Variants in CDON observed in about 807,000 individuals in gnomAD.
The protein encoded by CDON is cell adhesion associated, oncogene regulated.
In CDON, 73 loss-of-function variants were observed where a neutral mutation model predicts 120.9. The ratio of observed to expected loss-of-function variants is 0.60; its 90% CI spans 0.50 to 0.73. The LOEUF (loss-of-function observed/expected upper bound fraction) is 0.73. CDON is among the 30% of genes least tolerant of loss of function. The pLI is 0.00. For missense variants in CDON, 1,470 were observed against 1,587.3 expected (o/e 0.93, Z 1.26); for synonymous variants, 566 against 573.5 (o/e 0.99, Z 0.19).
intron 1 of CDON, among the ~76,000 whole-genome samples, chr11:126,057,334 A>G (rs1948704848): frequency 6.6e-6 from 1 of 152,226 alleles, no homozygotes; most frequent in Admixed American, 6.5e-5. Flanking sequence ...TTTACAAAGC[A>G]TGAATTAGTA....
intron 5 of CDON, 58 bp downstream of exon 5, chr11:126,018,272 C>T: frequency 1.3e-6 from 2 of 1,557,744 alleles, no homozygotes; most frequent in South Asian, 1.1e-5. Flanking sequence ...CTATCATTGC[C>T]CAACTTTTTA....
rs148664368 is a variant in CDON, at chr11:125,983,892, C to A, written c.2975G>T (p.Arg992Leu). Reference sequence around the variant, plus strand: ...CTTACTTTGTATGGTATTCTGCTGGCGATTCTTCCACAGGCACATTGCAAT... The same window carrying A: ...CTTACTTTGTATGGTATTCTGCTGGAGATTCTTCCACAGGCACATTGCAAT... ...VFIAMCLWKN[R>L]QQNTIQKYDP... is the part of the protein sequence containing the mutation. The change falls in exon 16 of 20, where the codon CGC (arginine) becomes CTC (leucine). Residue 992 changes from arginine (R) to leucine (L), a missense_variant. By Grantham distance (102) the Arg-to-Leu change is moderately radical (BLOSUM62 -2). Transcript: ENST00000531738. The A allele has an allele frequency of 2.4e-5, 38 of 1,613,568 alleles. No homozygotes were observed. Among genetic ancestry groups the A allele is most frequent in the Non-Finnish European group, 3.2e-5 (38 of 1,179,612 alleles).
At chr11:125,967,946 T>TC (rs1434809348) in intron 18 of CDON, among the ~76,000 whole-genome samples, 13 of 152,220 alleles carry the variant, frequency 8.5e-5, no homozygotes, top group African/African-American at 3.1e-4. Flanking sequence ...GGTCTTGAAC[T>TC]CCTAGGCTCA....
intron 18 of CDON, among the ~76,000 whole-genome samples, chr11:125,977,770 T>C (rs569836480): frequency 2.0e-5 from 3 of 152,224 alleles, no homozygotes; most frequent in African/African-American, 7.2e-5. Context: ...ATACCACTTT[T>C]AAAATTAAAA....
At chr11:126,046,599 GGGCGACGGT>G (rs1183420269) in intron 1 of CDON, among the ~76,000 whole-genome samples, 1 of 152,168 alleles carries the variant, frequency 6.6e-6, no homozygotes, top group Non-Finnish European at 1.5e-5. Context: ...AGCTGAAAAA[GGGCGACGGT>G]GGCCCCCCTT....
rs1948110350 is a variant in CDON at position 126,036,845 on chromosome 11, C to T, written c.-61-13308G>A. Among the ~76,000 whole-genome samples, 6 of 152,286 alleles carry T rather than the reference C, an allele frequency of 3.9e-5. 1 individual carries two copies. Among genetic ancestry groups the T allele is most frequent in the African/African-American group, 1.4e-4 (6 of 41,570 alleles). On this transcript the variant is annotated intron_variant, in intron 1 of 19. Transcript: ENST00000531738. ...CTGGCACCACAGGCGCAAGCCATCA[C>T]GCCCAGCTGATTCTTCCACTTTTTG...
intron 10 of CDON, among the ~76,000 whole-genome samples, chr11:126,003,559 G>A (rs1048178956): frequency 2.0e-5 from 3 of 152,118 alleles, no homozygotes; most frequent in Non-Finnish European, 4.4e-5. Flanking sequence ...AGTGGCTCAC[G>A]CCTATAATCC....
intron 1 of CDON, among the ~76,000 whole-genome samples, chr11:126,041,204 A>G (rs1043337439): frequency 6.3e-4 from 96 of 152,062 alleles, no homozygotes; most frequent in Non-Finnish European, 1.0e-3. Context: ...AAAAAAAAAA[A>G]AAGGGCAAAA....
chr11:126,037,275 A>G (rs995082610), intron 1 of CDON, among the ~76,000 whole-genome samples: 3 of 151,710 alleles, frequency 2.0e-5, no homozygotes, highest in African/African-American at 7.3e-5. Context: ...TAATTTTTGT[A>G]TTTTTAGTAG....
chr11:126,009,091 C>T (rs566175033), intron 8 of CDON, among the ~76,000 whole-genome samples: 4 of 152,176 alleles, frequency 2.6e-5, no homozygotes, highest in Admixed American at 2.6e-4. Flanking sequence ...AGTGATTTGC[C>T]CTTGGGTTAC....
At position 126,015,385 on chromosome 11, in the gene CDON, T is replaced by C. The variant is rs775528534; in HGVS notation, c.1054A>G (p.Ile352Val). Residue 352 changes from isoleucine to valine, a missense_variant, in exon 7 of 20, where the codon ATT (isoleucine) becomes GTT (valine). Ile to Val is a conservative substitution (Grantham distance 29). Transcript: ENST00000531738. ...GTTAGATGTCGTGCAGAAGGATGAATAGGCTGTGCATTGTGAAACCAGGTA... is the reference window on the plus strand; with the variant it reads ...GTTAGATGTCGTGCAGAAGGATGAACAGGCTGTGCATTGTGAAACCAGGTA... ...NCTWFHNAQP[I>V]HPSARHLTAG... is the part of the protein sequence containing the mutation. 1 of 1,614,194 alleles carries C rather than the reference T, an allele frequency of 6.2e-7. No individual in the cohort carries two copies.
At chr11:126,019,106 A>G (rs979429043) in intron 4 of CDON, among the ~76,000 whole-genome samples, 2 of 152,160 alleles carry the variant, frequency 1.3e-5, no homozygotes, top group East Asian at 1.9e-4. Flanking sequence ...CTGTCTAGTC[A>G]TTCATTTTTT....
intron 18 of CDON, among the ~76,000 whole-genome samples, chr11:125,976,603 GCACA>G (rs751057155): frequency 7.3e-5 from 7 of 96,258 alleles, no homozygotes; most frequent in Non-Finnish European, 1.3e-4. Flanking sequence ...ACACACACAT[GCACA>G]CACACACACA....
intron 19 of CDON, 25 bp from the exon 20 acceptor site, chr11:125,961,130 C>T: frequency 6.2e-7 from 1 of 1,609,124 alleles, no homozygotes; most frequent in East Asian, 2.2e-5. Flanking sequence ...GGTTTGGGAG[C>T]ATTATCAAAT....
At chr11:126,016,869 G>A (rs1947482962) in intron 6 of CDON, among the ~76,000 whole-genome samples, 1 of 152,058 alleles carries the variant, frequency 6.6e-6, no homozygotes. Flanking sequence ...ACGAGGTTGG[G>A]GGTGAGGTTC....
rs35828939 is a variant in CDON, at chr11:125,973,018, C to CTTTTTTTTTTTTTTTT, written c.3356+5270_3356+5285dup. ...TGGCCTCTTCAACCAATTACTTGGT[C>CTTTTTTTTTTTTTTTT]TTTTTTTTTTTTTTTTTTTTTTTTA... On this transcript the variant is annotated intron_variant, in intron 18 of 19. Coordinates refer to ENST00000531738, the MANE Select transcript of CDON (RefSeq NM_001378964.1). Among the ~76,000 whole-genome samples the CTTTTTTTTTTTTTTTT allele has an allele frequency of 2.3e-3, 200 of 87,030 alleles. 18 individuals are homozygous for CTTTTTTTTTTTTTTTT. Among genetic ancestry groups the CTTTTTTTTTTTTTTTT allele is most frequent in the South Asian group, 3.8e-3 (7 of 1,862 alleles). 57.1% of individuals were successfully genotyped at this position (87,030 alleles called of 152,430 possible).
At chr11:125,975,056 C>T (rs900192128) in intron 18 of CDON, among the ~76,000 whole-genome samples, 2 of 152,126 alleles carry the variant, frequency 1.3e-5, no homozygotes, top group Non-Finnish European at 2.9e-5. Context: ...TTTCATCCAG[C>T]CTGAGCATAT....
chr11:126,004,193 A>C, intron 9 of CDON, 117 bp from the exon 10 acceptor site: 1 of 1,001,434 alleles, frequency 1.0e-6, no homozygotes, highest in Non-Finnish European at 1.5e-6. Context: ...TTAAGAAGTA[A>C]TACAGCATGG....
At chr11:126,014,302 G>A (rs1947395174) in intron 7 of CDON, among the ~76,000 whole-genome samples, 1 of 152,074 alleles carries the variant, frequency 6.6e-6, no homozygotes, top group Non-Finnish European at 1.5e-5. Flanking sequence ...CAAATTTAAA[G>A]GGCTCAAAAA....
Sources: allele counts gnomAD v4.1 joint callset (sites outside exome capture counted in the v4.1 genomes callset), GRCh38; gene constraint gnomAD v4.1.1; transcripts MANE v1.5; gene names NCBI Gene and HGNC (gene_info 2026-07-23, HGNC 2026-07-21).